Variants in SLC9A7 observed in about 807,000 individuals in gnomAD.
SLC9A7 encodes the protein solute carrier family 9 member A7, also known as sodium/hydrogen exchanger 7.
Under a neutral mutation model 52.6 loss-of-function variants are expected in SLC9A7, and 19 were observed. The ratio of observed to expected loss-of-function variants is 0.36; its 90% CI spans 0.25 to 0.53. The LOEUF is 0.53. Among genes scored for constraint, SLC9A7 ranks in the 20% least tolerant of loss-of-function variants. The pLI is 0.91. For synonymous variants in SLC9A7, 226 were observed against 252.1 expected (o/e 0.90, Z 0.98); for missense variants, 455 against 597.9 (o/e 0.76, Z 2.49).
Position 46,635,521 on chromosome X carries a change from T to C in SLC9A7, c.1676+68A>G. 6 of 866,913 alleles carry C rather than the reference T, an allele frequency of 6.9e-6. No homozygotes were observed. The South Asian group carries it at 1.1e-4, about 15-fold the overall frequency. 71.4% of individuals were successfully genotyped at this position (866,913 alleles called of 1,213,427 possible). ...AAGAGAAAAATAGTGTAAAGAGAAATATCTGAGGTTAGAAAGAGGAGAAAA... is the reference window on the plus strand; with the variant it reads ...AAGAGAAAAATAGTGTAAAGAGAAACATCTGAGGTTAGAAAGAGGAGAAAA... On this transcript the variant is annotated intron_variant, in intron 13 of 16. Transcript: ENST00000616978.
chrX:46,658,642 C>G (rs1210972957), intron 7 of SLC9A7, among the ~76,000 whole-genome samples: 1 of 110,689 alleles, frequency 9.0e-6, no homozygotes, highest in African/African-American at 3.3e-5. Context: ...ATAAATTCCT[C>G]GACACATACA....
At chrX:46,627,780 G>T (rs1056637930) in intron 14 of SLC9A7, among the ~76,000 whole-genome samples, 8 of 25,202 alleles carry the variant, frequency 3.2e-4, no homozygotes, top group Admixed American at 1.6e-3. Flanking sequence ...GGGCGGGTTG[G>T]GGGGGGGGCG....
chrX:46,751,009 T>G lies in SLC9A7; in HGVS notation c.325+7696A>C, dbSNP rs1211609520. Among the ~76,000 whole-genome samples the G allele has an allele frequency of 2.7e-5, 3 of 112,539 alleles. No homozygotes were observed. In the Admixed American group the frequency reaches 2.8e-4, roughly 11 times the overall value. ...GCTAGCTGCTTTCCAAACCTGTTCC[T>G]CTTCTTCCAACTAGACTATGTTTCC... On this transcript the variant is annotated intron_variant, in intron 1 of 16. Transcript: ENST00000616978.
At chrX:46,699,374 G>C (rs989441506) in intron 1 of SLC9A7, among the ~76,000 whole-genome samples, 3 of 111,736 alleles carry the variant, frequency 2.7e-5, no homozygotes, top group Admixed American at 9.5e-5. Context: ...TCTTCTGATA[G>C]TCTTTGCAAA....
intron 3 of SLC9A7, among the ~76,000 whole-genome samples, chrX:46,673,641 A>G (rs1944062287): frequency 8.9e-6 from 1 of 112,343 alleles, no homozygotes; most frequent in Non-Finnish European, 1.9e-5. Flanking sequence ...GGAGAGCCCC[A>G]GCATGTCAGC....
chrX:46,636,020 A>C (rs1310936491), intron 12 of SLC9A7, among the ~76,000 whole-genome samples: 1 of 112,434 alleles, frequency 8.9e-6, no homozygotes, highest in Non-Finnish European at 1.9e-5. Flanking sequence ...ATTGTTGCTT[A>C]AATATGTTAC....
chrX:46,731,639 T>C (rs1434115516), intron 1 of SLC9A7, among the ~76,000 whole-genome samples: 1 of 108,972 alleles, frequency 9.2e-6, no homozygotes, highest in Non-Finnish European at 1.9e-5. Context: ...ATAAAAAAAT[T>C]GAAGATTCTA....
intron 7 of SLC9A7, among the ~76,000 whole-genome samples, chrX:46,657,573 C>A (rs1226885657): frequency 1.9e-5 from 2 of 107,252 alleles, no homozygotes; most frequent in Non-Finnish European, 3.9e-5. Flanking sequence ...GGTTGCAATC[C>A]TAGTCTCTGA....
chrX:46,627,040 C>A (rs1421954677), intron 14 of SLC9A7, among the ~76,000 whole-genome samples: 1 of 111,682 alleles, frequency 9.0e-6, no homozygotes, highest in East Asian at 2.8e-4. Context: ...AGGGAATCAG[C>A]CAGGCAGTGG....
At chrX:46,626,966 G>C (rs775571481) in intron 14 of SLC9A7, among the ~76,000 whole-genome samples, 67 of 111,614 alleles carry the variant, frequency 6.0e-4, no homozygotes, top group Admixed American at 1.5e-3. Flanking sequence ...CAGGGCCTTT[G>C]TCATATCATT....
At chrX:46,685,071 A>G (rs773103145) in intron 1 of SLC9A7, 2 of 112,083 alleles carry the variant, frequency 1.8e-5, no homozygotes, top group African/African-American at 6.5e-5. Context: ...GGGTCTCTGC[A>G]AGGGAGGAGG....
At chrX:46,651,283 A>C (rs779086148) in intron 9 of SLC9A7, 33 bp downstream of exon 9, 6 of 1,188,684 alleles carry the variant, frequency 5.0e-6, no homozygotes, top group Middle Eastern at 2.3e-4. Flanking sequence ...CTGTGTTAAC[A>C]AGCAACTCGT....
chrX:46,711,822 C>G (rs2146937932), intron 1 of SLC9A7, among the ~76,000 whole-genome samples: 1 of 106,460 alleles, frequency 9.4e-6, no homozygotes, highest in Admixed American at 1.0e-4. Context: ...CCCTCACCAT[C>G]AGGCCCACGT....
intron 14 of SLC9A7, among the ~76,000 whole-genome samples, chrX:46,623,398 G>C (rs1943075803): frequency 9.0e-6 from 1 of 111,640 alleles, no homozygotes; most frequent in African/African-American, 3.3e-5. Context: ...TTCAGCTCAG[G>C]CAACTTCTAG....
At chrX:46,672,815 A>G (rs751160494) in intron 3 of SLC9A7, among the ~76,000 whole-genome samples, 188 bp from the exon 4 acceptor site, 3 of 112,631 alleles carry the variant, frequency 2.7e-5, no homozygotes, top group Non-Finnish European at 5.6e-5. Flanking sequence ...GTTATCTTCT[A>G]TACAGCCAGG....
At chrX:46,683,852 T>C (rs1027180480) in intron 1 of SLC9A7, among the ~76,000 whole-genome samples, 1 of 112,372 alleles carries the variant, frequency 8.9e-6, no homozygotes, top group Non-Finnish European at 1.9e-5. Flanking sequence ...ATTTTGCCAT[T>C]AATGGAGAAA....
At chrX:46,717,483 G>C (rs917345906) in intron 1 of SLC9A7, among the ~76,000 whole-genome samples, 1 of 111,368 alleles carries the variant, frequency 9.0e-6, no homozygotes, top group African/African-American at 3.3e-5. Context: ...GGGTTCAAGC[G>C]ATTCTCCTGC....
At chrX:46,626,343 C>T (rs969070496) in intron 14 of SLC9A7, among the ~76,000 whole-genome samples, 4 of 110,315 alleles carry the variant, frequency 3.6e-5, no homozygotes, top group Non-Finnish European at 7.6e-5. Flanking sequence ...GGTGTGATCT[C>T]GGCTCACTGC....
chrX:46,641,767 G>C (rs1286782849), intron 12 of SLC9A7, among the ~76,000 whole-genome samples: 1 of 111,571 alleles, frequency 9.0e-6, no homozygotes, highest in Non-Finnish European at 1.9e-5. Flanking sequence ...TGTGGTATGA[G>C]TGCCTAGGTT....
Sources: allele counts gnomAD v4.1 joint callset (sites outside exome capture counted in the v4.1 genomes callset), GRCh38; gene constraint gnomAD v4.1.1; transcripts MANE v1.5; gene names NCBI Gene and HGNC (gene_info 2026-07-23, HGNC 2026-07-21).